Variants in CYTH4 observed in about 807,000 individuals in gnomAD.
The protein encoded by CYTH4 is cytohesin-4.
A neutral mutation model predicts 57.5 loss-of-function variants in CYTH4; 22 were observed. The observed-to-expected ratio is 0.38, with a 90% CI of 0.27 to 0.55. The LOEUF is 0.55. Among genes scored for constraint, CYTH4 ranks in the 20% least tolerant of loss-of-function variants. The probability of loss-of-function intolerance (pLI) is 0.74; values close to 1 mark genes in which losing one functional copy is unlikely to be tolerated. For missense variants in CYTH4, 420 were observed against 535.6 expected, an observed-to-expected ratio of 0.78 and a Z score of 2.13; for synonymous variants, 186 against 206.5, an observed-to-expected ratio of 0.90 and a Z score of 0.85.
chr22:37,284,249 G>A (rs978734543), intron 1 of CYTH4, among the ~76,000 whole-genome samples: 1 of 152,174 alleles, frequency 6.6e-6, no homozygotes, highest in Admixed American at 6.5e-5. Context: ...CTCTACAAAC[G>A]ACCTTCCAGT....
In CYTH4 at chr22:37,314,770, T is replaced by G; in HGVS notation, c.*1259T>G. The G allele has an allele frequency of 1.2e-4, 23 of 196,022 alleles. No homozygotes were observed. The highest frequency in any genetic ancestry group is 3.4e-4 in the East Asian group (3 of 8,816). The allele number at this position is 196,022 out of a possible 1,614,324, so 12.1% of individuals were successfully genotyped here. ...GCCCAGGGGAGCCCCTGGAGGGAAA[T>G]TCCTTGGCAGGGGAACAGGAAATGT... On this transcript the variant is annotated 3_prime_UTR_variant, in exon 13 of 13. Coordinates refer to ENST00000248901, the MANE Select transcript of CYTH4 (RefSeq NM_013385.5).
intron 8 of CYTH4, among the ~76,000 whole-genome samples, chr22:37,304,910 G>A (rs186124406): frequency 1.8e-4 from 27 of 152,336 alleles, no homozygotes; most frequent in East Asian, 1.7e-3. Flanking sequence ...CCTGTGCCAG[G>A]TATATAATAC....
At chr22:37,294,303 C>T (rs1212252677) in intron 2 of CYTH4, among the ~76,000 whole-genome samples, 2 of 149,208 alleles carry the variant, frequency 1.3e-5, no homozygotes, top group African/African-American at 5.0e-5. Flanking sequence ...GCCGGCTTGT[C>T]GGGTAGGCTC....
chr22:37,311,386 C>A lies in CYTH4; in HGVS notation c.886-70C>A, dbSNP rs905105412. 13 of 1,374,302 alleles carry A rather than the reference C, an allele frequency of 9.5e-6. No homozygotes were observed. In the Admixed American group the frequency reaches 2.0e-4, roughly 22 times the overall value. 85.1% of individuals were successfully genotyped at this position (1,374,302 alleles called of 1,614,324 possible). A position where few individuals can be genotyped will look rare whatever the true frequency, so the allele number is the denominator to read the frequency against. On this transcript the variant is annotated intron_variant, in intron 10 of 12. Transcript: ENST00000248901. This position sits in a 1 kb window ranked among gnomAD's most constrained non-coding sequence, Gnocchi z 4.4. ...CTCTTTGAGTTTGGGGAACCCCACA[C>A]GTTCACACCCTGCCTTGGGCCTCAG... is the stretch of plus-strand genomic sequence containing the variant.
At chr22:37,294,801 G>A (rs1463421650) in intron 3 of CYTH4, 77 bp downstream of exon 3, 4 of 1,545,812 alleles carry the variant, frequency 2.6e-6, no homozygotes, top group African/African-American at 1.4e-5. Flanking sequence ...GAATGAGCAG[G>A]GGCCACTCCC....
Position 37,309,237 on chromosome 22 carries a change from A to G in CYTH4, c.722A>G (p.Glu241Gly). ...AACCTCTTCGACAGCATCAAGAGTGAGCCATTCTCCATCCCTGAGGACGAC... is the reference window on the plus strand; with the variant it reads ...AACCTCTTCGACAGCATCAAGAGTGGGCCATTCTCCATCCCTGAGGACGAC... ...LRNLFDSIKS[E>G]PFSIPEDDGN... Residue 241 changes from glutamate (E) to glycine (G), a missense_variant, in exon 9 of 13, where the codon GAG becomes GGG. Glu to Gly is a moderately conservative substitution (Grantham distance 98). Transcript: ENST00000248901. 1 of 1,614,090 alleles carries G rather than the reference A, an allele frequency of 6.2e-7. No individual in the cohort carries two copies. The highest frequency in any genetic ancestry group is 8.5e-7 in the Non-Finnish European group (1 of 1,179,964).
In CYTH4 at chr22:37,303,378, C is replaced by T. The variant is rs202039940; in HGVS notation, c.672C>T (p.Ser224=). The T allele has an allele frequency of 2.5e-6, 4 of 1,613,724 alleles. No homozygotes were observed. Among genetic ancestry groups the T allele is most frequent in the African/African-American group, 2.7e-5 (2 of 74,912 alleles). The change falls in exon 8 of 13, where the codon AGC becomes AGT. Residue 224 remains serine, a synonymous_variant. Coordinates refer to ENST00000248901, the MANE Select transcript of CYTH4 (RefSeq NM_013385.5). Reference sequence around the variant, plus strand: ...TGAACCGCGGCATCAACAATGGTAGCGACCTGCCCGAGGACCAGCTGCGGG... The same window carrying T: ...TGAACCGCGGCATCAACAATGGTAGTGACCTGCCCGAGGACCAGCTGCGGG... ...VSMNRGINNG[S]DLPEDQLRNL...
At chr22:37,294,572 G>T (rs1310268290) in intron 2 of CYTH4, 88 bp from the exon 3 acceptor site, 15 of 1,468,322 alleles carry the variant, frequency 1.0e-5, no homozygotes, top group South Asian at 1.2e-5. Flanking sequence ...GTCGTGCCCA[G>T]GGGTAGGAGT....
rs1929415023 is a variant in CYTH4, at chr22:37,306,818, C to A, written c.697-2394C>A. On this transcript the variant is annotated intron_variant, in intron 8 of 12. Coordinates refer to ENST00000248901, the MANE Select transcript of CYTH4 (RefSeq NM_013385.5). ...ATGGCCCGGCCTTCCCGTGCCCTCACAGTCCTCCTCCTCAGCTGTTTCAGC... is the reference window on the plus strand; with the variant it reads ...ATGGCCCGGCCTTCCCGTGCCCTCAAAGTCCTCCTCCTCAGCTGTTTCAGC... 2.0e-5 allele frequency among the ~76,000 whole-genome samples: 3 copies of A among 152,376 alleles called. No individual in the cohort carries two copies. In the South Asian group the frequency reaches 6.2e-4, roughly 32 times the overall value.
At chr22:37,297,537 C>T (rs1317713165) in intron 4 of CYTH4, 27 bp from the exon 5 acceptor site, 2 of 1,603,536 alleles carry the variant, frequency 1.2e-6, no homozygotes, top group South Asian at 2.2e-5. Context: ...GCAGCAGCTG[C>T]TCACGGCTTC....
chr22:37,284,993 G>A (rs1241215773), intron 1 of CYTH4, among the ~76,000 whole-genome samples: 2 of 152,130 alleles, frequency 1.3e-5, no homozygotes, highest in Admixed American at 6.5e-5. Context: ...AGCCTGTGGG[G>A]CTTGTGGGGC....
At chr22:37,304,756 G>T (rs1929335789) in intron 8 of CYTH4, among the ~76,000 whole-genome samples, 1 of 152,172 alleles carries the variant, frequency 6.6e-6, no homozygotes, top group African/African-American at 2.4e-5. Flanking sequence ...TGGAGCTCAG[G>T]TCTACTCCCA....
intron 1 of CYTH4, among the ~76,000 whole-genome samples, chr22:37,283,541 G>A (rs1444418040): frequency 3.3e-5 from 5 of 150,496 alleles, no homozygotes; most frequent in Non-Finnish European, 5.9e-5. Context: ...GCCTGGCCCC[G>A]CCCACTGGGC....
chr22:37,310,849 G>A (rs923476288), intron 9 of CYTH4, 139 bp from the exon 10 acceptor site: 7 of 760,270 alleles, frequency 9.2e-6, no homozygotes, highest in Middle Eastern at 2.7e-4. Context: ...ATAGATGTTG[G>A]GGGGAGGTGT....
intron 5 of CYTH4, among the ~76,000 whole-genome samples, 164 bp from the exon 6 acceptor site, chr22:37,299,062 G>C (rs546442701): frequency 3.5e-4 from 53 of 152,288 alleles, no homozygotes; most frequent in African/African-American, 1.2e-3. Flanking sequence ...TGTGCCCTCA[G>C]GGTGTGATAT....
Position 37,292,609 on chromosome 22 carries a change from G to T in CYTH4, c.20-12G>T. ...AGCCAAGTGATGGGGAAGGCCGGTT[G>T]TCTCTCTGTAGAGCCCGCGGAGCTG... On this transcript the variant is annotated splice_polypyrimidine_tract_variant and intron_variant, in intron 1 of 12. Transcript: ENST00000248901. 2 of 1,613,324 alleles carry T rather than the reference G, an allele frequency of 1.2e-6. No individual in the cohort carries two copies. The highest frequency in any genetic ancestry group is 1.7e-6 in the Non-Finnish European group (2 of 1,179,570).
intron 1 of CYTH4, 28 bp from the exon 2 acceptor site, chr22:37,292,593 A>C (rs776408538): frequency 3.1e-6 from 5 of 1,611,330 alleles, no homozygotes; most frequent in Non-Finnish European, 4.2e-6. Flanking sequence ...GAGCCAAGTG[A>C]TGGGGAAGGC....
At chr22:37,309,491 C>T (rs1399912633) in intron 9 of CYTH4, among the ~76,000 whole-genome samples, 168 bp downstream of exon 9, 1 of 152,164 alleles carries the variant, frequency 6.6e-6, no homozygotes, top group African/African-American at 2.4e-5. Flanking sequence ...CCAGTGCAGC[C>T]GTCTGCCTGC....
chr22:37,287,704 G>A (rs1928605310), intron 1 of CYTH4, among the ~76,000 whole-genome samples: 1 of 152,184 alleles, frequency 6.6e-6, no homozygotes, highest in African/African-American at 2.4e-5. Flanking sequence ...TCCTGGGGCA[G>A]AGGCGTGGGG....
Sources: gnomAD v4.1 joint callset for allele counts (sites outside exome capture counted in the v4.1 genomes callset) on GRCh38, gnomAD v4.1.1 for gene constraint, Gnocchi (gnomAD v3.1) non-coding constraint, MANE v1.5 for transcripts, NCBI Gene and HGNC (gene_info 2026-07-23, HGNC 2026-07-21) for gene names.